SMIM12: variants seen among roughly 807,000 people sequenced by gnomAD.
SMIM12 encodes UPF0767 protein C1orf212.
A neutral mutation model predicts 6.3 loss-of-function variants in SMIM12; 5 were observed. The observed-to-expected ratio is 0.80, with a 90% CI of 0.42 to 1.68. The LOEUF is 1.68. Among genes scored for constraint, SMIM12 ranks in the 40% most tolerant of loss-of-function variants. The probability of loss-of-function intolerance (pLI) is 0.02; values close to 1 mark genes in which losing one functional copy is unlikely to be tolerated. For missense variants in SMIM12, 103 were observed against 121.4 expected (o/e 0.85, Z 0.71); for synonymous variants, 51 against 48.0 (o/e 1.06, Z -0.26).
chr1:34,857,224 T>C (rs1226349501), intron 1 of SMIM12: 2 of 113,510 alleles, frequency 1.8e-5, no homozygotes, highest in African/African-American at 3.5e-5. Context: ...CTGTGAAAAA[T>C]CACTGTACAA....
Position 34,851,813 on chromosome 1 carries a change from C to G in SMIM12, c.*3886G>C, listed in dbSNP as rs2025004. ...TGGGCTGGGAAGAGACGGGGGTAAG[C>G]GGGGAGCAAAAAGCCCCAAGCACAT... is the stretch of plus-strand genomic sequence containing the variant. On this transcript the variant is annotated 3_prime_UTR_variant, in exon 2 of 2. Transcript: ENST00000521580. 0.47 allele frequency among the ~76,000 whole-genome samples: 70,934 copies of G among 152,004 alleles called. 17,035 individuals are homozygous for G. Among genetic ancestry groups the G allele is most frequent in the Non-Finnish European group, 0.51 (34,884 of 67,960 alleles).
In SMIM12 at chr1:34,855,073, G is replaced by T. The variant is rs765531578; in HGVS notation, c.*626C>A. 7.8e-7 allele frequency: 1 copy of T among 1,280,602 alleles called. No homozygotes were observed. The highest frequency in any genetic ancestry group is 1.0e-6 in the Non-Finnish European group (1 of 981,054). 79.3% of individuals were successfully genotyped at this position (1,280,602 alleles called of 1,614,324 possible). A position where few individuals can be genotyped will look rare whatever the true frequency, so the allele number is the denominator to read the frequency against. The stretch of plus-strand genomic sequence containing the variant: ...GGTTCTCAGATACCACTTTAATCAG[G>T]TTTTTCACTATACAGTGATGGGGGT... On this transcript the variant is annotated 3_prime_UTR_variant, in exon 2 of 2. Coordinates refer to ENST00000521580, the MANE Select transcript of SMIM12 (RefSeq NM_138428.6).
At position 34,855,868 on chromosome 1, in the gene SMIM12, C is replaced by G; in HGVS notation, c.110G>C (p.Gly37Ala). ...CTCCTCCACGGGCTGGGGGTCCTTT[C>G]CCCTGATGAACCATTCCAGGTGGTA... ...VGYHLEWFIR[G>A]KDPQPVEEEK... The change falls in exon 2 of 2, where the codon GGA (glycine) becomes GCA (alanine). Residue 37 changes from glycine to alanine, a missense_variant. Transcript: ENST00000521580. 1 of 1,551,734 alleles carries G rather than the reference C, an allele frequency of 6.4e-7. No individual in the cohort carries two copies. Among genetic ancestry groups the G allele is most frequent in the Non-Finnish European group, 8.7e-7 (1 of 1,147,008 alleles).
chr1:34,854,963 G>A lies in SMIM12; in HGVS notation c.*736C>T, dbSNP rs1409681490. ...CTCCTTGGCACCCTTTAATACCAATGTTATCCTGCTCTAAAATGCCTGTAC... is the reference window on the plus strand; with the variant it reads ...CTCCTTGGCACCCTTTAATACCAATATTATCCTGCTCTAAAATGCCTGTAC... On this transcript the variant is annotated 3_prime_UTR_variant, in exon 2 of 2. Transcript: ENST00000521580. 1 of 951,300 alleles carries A rather than the reference G, an allele frequency of 1.1e-6. No individual in the cohort carries two copies. The highest frequency in any genetic ancestry group is 3.2e-5 in the Admixed American group (1 of 31,488). The allele number at this position is 951,300 out of a possible 1,614,324, so 58.9% of individuals were successfully genotyped here.
At chr1:34,856,995 G>A (rs1218932598) in intron 1 of SMIM12, among the ~76,000 whole-genome samples, 1 of 152,006 alleles carries the variant, frequency 6.6e-6, no homozygotes, top group African/African-American at 2.4e-5. Flanking sequence ...TCAGGAGGCT[G>A]AGGCAGGAGA....
chr1:34,855,061 C>A lies in SMIM12; in HGVS notation c.*638G>T. The A allele has an allele frequency of 7.8e-7, 1 of 1,274,230 alleles. No individual in the cohort carries two copies. The highest frequency in any genetic ancestry group is 1.0e-6 in the Non-Finnish European group (1 of 977,654). The allele number at this position is 1,274,230 out of a possible 1,614,324, so 78.9% of individuals were successfully genotyped here. A position where few individuals can be genotyped will look rare whatever the true frequency, so the allele number is the denominator to read the frequency against. On this transcript the variant is annotated 3_prime_UTR_variant, in exon 2 of 2. Coordinates refer to ENST00000521580, the MANE Select transcript of SMIM12 (RefSeq NM_138428.6). ...TTCGATCATTATGGTTCTCAGATAC[C>A]ACTTTAATCAGGTTTTTCACTATAC...
At position 34,857,503 on chromosome 1, in the gene SMIM12, T is replaced by A. The variant is rs1638692430; in HGVS notation, c.-5-1521A>T. ...TATACACTCACTCTCTTAATCCTCA[T>A]GTCCACCACGTGAGGTAGATACATA... On this transcript the variant is annotated intron_variant, in intron 1 of 1. Transcript: ENST00000521580. The A allele has an allele frequency of 3.9e-5, 6 of 152,340 alleles. No homozygotes were observed. In the South Asian group the frequency reaches 1.2e-3, roughly 32 times the overall value. 9.4% of individuals were successfully genotyped at this position (152,340 alleles called of 1,614,324 possible).
rs747603832 is a variant in SMIM12, at chr1:34,855,463, T to G, written c.*236A>C. On this transcript the variant is annotated 3_prime_UTR_variant, in exon 2 of 2. Transcript: ENST00000521580. ...CCAGCAGTGCACCAGTAAACTCAGA[T>G]GCCTGAGTGCTTGTGGCCACCACAC... is the stretch of plus-strand genomic sequence containing the variant. The G allele has an allele frequency of 5.0e-6, 8 of 1,592,512 alleles. No homozygotes were observed. The African/African-American group carries it at 8.0e-5, about 16-fold the overall frequency.
At position 34,854,642 on chromosome 1, in the gene SMIM12, A is replaced by G. The variant is rs1034148595; in HGVS notation, c.*1057T>C. The G allele has an allele frequency of 3.3e-5, 5 of 152,920 alleles. No homozygotes were observed. Among genetic ancestry groups the G allele is most frequent in the Non-Finnish European group, 5.8e-5 (4 of 68,610 alleles). 9.5% of individuals were successfully genotyped at this position (152,920 alleles called of 1,614,324 possible). A position where few individuals can be genotyped will look rare whatever the true frequency, so the allele number is the denominator to read the frequency against. On this transcript the variant is annotated 3_prime_UTR_variant, in exon 2 of 2. Transcript: ENST00000521580. The stretch of plus-strand genomic sequence containing the variant: ...GAGAAAAGTATATAAAATTAAATGT[A>G]CAGTAATGATAACTATCTCTAAAAC...
Position 34,855,240 on chromosome 1 carries a change from A to G in SMIM12, c.*459T>C. ...TTCCTGAGCTGACAAGACAGATTTC[A>G]GTAAGAATGAGCACAAAGGATAGGG... is the stretch of plus-strand genomic sequence containing the variant. On this transcript the variant is annotated 3_prime_UTR_variant, in exon 2 of 2. Transcript: ENST00000521580. 7.3e-7 allele frequency: 1 copy of G among 1,369,602 alleles called. No individual in the cohort carries two copies. The highest frequency in any genetic ancestry group is 9.8e-7 in the Non-Finnish European group (1 of 1,023,160). 84.8% of individuals were successfully genotyped at this position (1,369,602 alleles called of 1,614,324 possible). A position where few individuals can be genotyped will look rare whatever the true frequency, so the allele number is the denominator to read the frequency against.
rs1571606997 is a variant in SMIM12 at position 34,852,216 on chromosome 1, T to A, written c.*3483A>T. ...GTGAGACTGGAAGAAGGGAGCCACC[T>A]GGATTCCCAAAGATAGGGCTCTCTC... On this transcript the variant is annotated 3_prime_UTR_variant, in exon 2 of 2. Transcript: ENST00000521580. 6.6e-6 allele frequency among the ~76,000 whole-genome samples: 1 copy of A among 152,166 alleles called. No individual in the cohort carries two copies.
At chr1:34,857,487 A>C (rs1638691337) in intron 1 of SMIM12, 4 of 151,976 alleles carry the variant, frequency 2.6e-5, no homozygotes, top group South Asian at 2.1e-4. Context: ...ATATACACTC[A>C]CTCTCTTAAT....
At position 34,851,296 on chromosome 1, in the gene SMIM12, G is replaced by A. The variant is rs1640924251; in HGVS notation, c.*4403C>T. On this transcript the variant is annotated 3_prime_UTR_variant, in exon 2 of 2. Transcript: ENST00000521580. ...ATTCTTACCCCTATTTTACAGGTGA[G>A]GATATTGAGGTTCAGAAGGGCTAAG... 6.6e-6 allele frequency: 1 copy of A among 152,174 alleles called. No homozygotes were observed. The highest frequency in any genetic ancestry group is 1.9e-4 in the East Asian group (1 of 5,194). The allele number at this position is 152,174 out of a possible 1,614,324, so 9.4% of individuals were successfully genotyped here.
In SMIM12 at chr1:34,853,546, A is replaced by G. The variant is rs1264093693; in HGVS notation, c.*2153T>C. 1.3e-5 allele frequency: 2 copies of G among 152,246 alleles called. No homozygotes were observed. The highest frequency in any genetic ancestry group is 2.4e-5 in the African/African-American group (1 of 41,462). The allele number at this position is 152,246 out of a possible 1,614,324, so 9.4% of individuals were successfully genotyped here. A position where few individuals can be genotyped will look rare whatever the true frequency, so the allele number is the denominator to read the frequency against. ...TACTATTTTTACTGTTTATTCCAAA[A>G]CGCAGGAAAAGCTTCATATAAGATA... On this transcript the variant is annotated 3_prime_UTR_variant, in exon 2 of 2. Transcript: ENST00000521580.
chr1:34,852,316 T>C lies in SMIM12; in HGVS notation c.*3383A>G, dbSNP rs147162107. On this transcript the variant is annotated 3_prime_UTR_variant, in exon 2 of 2. Coordinates refer to ENST00000521580, the MANE Select transcript of SMIM12 (RefSeq NM_138428.6). ...AGATCTGAAAATCCAAAAATGTCCATGGGAAATGTGTTTGCTATTATTTCT... is the reference window on the plus strand; with the variant it reads ...AGATCTGAAAATCCAAAAATGTCCACGGGAAATGTGTTTGCTATTATTTCT... Among the ~76,000 whole-genome samples the C allele has an allele frequency of 7.9e-5, 12 of 152,128 alleles. No individual in the cohort carries two copies. The highest frequency in any genetic ancestry group is 1.8e-4 in the Non-Finnish European group (12 of 68,026).
At position 34,854,152 on chromosome 1, in the gene SMIM12, A is replaced by G. The variant is rs544083101; in HGVS notation, c.*1547T>C. On this transcript the variant is annotated 3_prime_UTR_variant, in exon 2 of 2. Transcript: ENST00000521580. Reference sequence around the variant, plus strand: ...TGAAACCCCTGTCTTTACTAAAAACACAAAAACTAGCCAGGCACGATGGCG... The same window carrying G: ...TGAAACCCCTGTCTTTACTAAAAACGCAAAAACTAGCCAGGCACGATGGCG... 1 of 151,986 alleles carries G rather than the reference A, an allele frequency of 6.6e-6. No homozygotes were observed. The highest frequency in any genetic ancestry group is 2.1e-4 in the South Asian group (1 of 4,810). 9.4% of individuals were successfully genotyped at this position (151,986 alleles called of 1,614,324 possible). A position where few individuals can be genotyped will look rare whatever the true frequency, so the allele number is the denominator to read the frequency against.
At position 34,855,234 on chromosome 1, in the gene SMIM12, G is replaced by C; in HGVS notation, c.*465C>G. The C allele has an allele frequency of 4.4e-6, 6 of 1,369,336 alleles. No individual in the cohort carries two copies. Among genetic ancestry groups the C allele is most frequent in the Non-Finnish European group, 5.9e-6 (6 of 1,022,986 alleles). The allele number at this position is 1,369,336 out of a possible 1,614,324, so 84.8% of individuals were successfully genotyped here. A position where few individuals can be genotyped will look rare whatever the true frequency, so the allele number is the denominator to read the frequency against. On this transcript the variant is annotated 3_prime_UTR_variant, in exon 2 of 2. Transcript: ENST00000521580. ...ATCCCATTCCTGAGCTGACAAGACAGATTTCAGTAAGAATGAGCACAAAGG... is the reference window on the plus strand; with the variant it reads ...ATCCCATTCCTGAGCTGACAAGACACATTTCAGTAAGAATGAGCACAAAGG...
rs1310893208 is a variant in SMIM12, at chr1:34,851,534, G to A, written c.*4165C>T. The A allele has an allele frequency of 6.6e-6, 1 of 152,248 alleles. No homozygotes were observed. Among genetic ancestry groups the A allele is most frequent in the Non-Finnish European group, 1.5e-5 (1 of 68,072 alleles). The allele number at this position is 152,248 out of a possible 1,614,324, so 9.4% of individuals were successfully genotyped here. A position where few individuals can be genotyped will look rare whatever the true frequency, so the allele number is the denominator to read the frequency against. On this transcript the variant is annotated 3_prime_UTR_variant, in exon 2 of 2. Coordinates refer to ENST00000521580, the MANE Select transcript of SMIM12 (RefSeq NM_138428.6). Reference sequence around the variant, plus strand: ...CTGCCTGGCTCCCAACCCAGACTCTGGCAAGGCTAATTCCATGATGTTTCA... The same window carrying A: ...CTGCCTGGCTCCCAACCCAGACTCTAGCAAGGCTAATTCCATGATGTTTCA...
rs545021694 is a variant in SMIM12, at chr1:34,853,011, C to T, written c.*2688G>A. 2.6e-5 allele frequency: 4 copies of T among 152,408 alleles called. No homozygotes were observed. The highest frequency in any genetic ancestry group is 9.6e-5 in the African/African-American group (4 of 41,570). The allele number at this position is 152,408 out of a possible 1,614,324, so 9.4% of individuals were successfully genotyped here. ...TGACAGTCTCTTCCCAAGTTCCATCCGATTTGTTCCCTGGGAAGCAACAGC... is the reference window on the plus strand; with the variant it reads ...TGACAGTCTCTTCCCAAGTTCCATCTGATTTGTTCCCTGGGAAGCAACAGC... On this transcript the variant is annotated 3_prime_UTR_variant, in exon 2 of 2. Coordinates refer to ENST00000521580, the MANE Select transcript of SMIM12 (RefSeq NM_138428.6).
Sources: allele counts gnomAD v4.1 joint callset (sites outside exome capture counted in the v4.1 genomes callset), GRCh38; gene constraint gnomAD v4.1.1; transcripts MANE v1.5; gene names NCBI Gene and HGNC (gene_info 2026-07-23, HGNC 2026-07-21).